Variants in EPM2A observed in about 807,000 individuals in gnomAD.
The protein encoded by EPM2A is laforin.
Under a neutral mutation model 26.5 loss-of-function variants are expected in EPM2A, and 21 were observed. The observed-to-expected ratio is 0.79, with a 90% CI of 0.56 to 1.14. The LOEUF (loss-of-function observed/expected upper bound fraction) is 1.14, where lower values mean the gene tolerates loss of function less well. Ranked by LOEUF, EPM2A falls within the 50% of genes most tolerant of loss-of-function variation. EPM2A has a pLI of 0.00. For synonymous variants in EPM2A, 217 were observed against 177.6 expected, an observed-to-expected ratio of 1.22 and a Z score of -1.76; for missense variants, 458 against 440.8, an observed-to-expected ratio of 1.04 and a Z score of -0.35.
Position 145,417,785 on chromosome 6 carries a change from G to A in EPM2A, c.556-33688C>T, listed in dbSNP as rs917327097. On this transcript the variant is annotated intron_variant, in intron 4 of 4. Transcript: ENST00000638717. ...TGCCCCCAGACTCCACAGCTGAATCGTGAATGCAGAAAGTCCTCCCCATGG... is the reference window on the plus strand; with the variant it reads ...TGCCCCCAGACTCCACAGCTGAATCATGAATGCAGAAAGTCCTCCCCATGG... Among the ~76,000 whole-genome samples the A allele has an allele frequency of 2.6e-5, 4 of 151,664 alleles. No individual in the cohort carries two copies. In the South Asian group the frequency reaches 8.4e-4, roughly 32 times the overall value.
intron 1 of EPM2A, 193 bp downstream of exon 1, chr6:145,735,005 C>T: frequency 5.5e-6 from 2 of 364,606 alleles, no homozygotes; most frequent in Non-Finnish European, 9.7e-6. Flanking sequence ...GCCGGAGGCG[C>T]GGCTGGCGGC....
intron 2 of EPM2A, among the ~76,000 whole-genome samples, chr6:145,597,576 G>GT (rs1330783805): frequency 1.3e-5 from 2 of 149,434 alleles, no homozygotes; most frequent in African/African-American, 4.9e-5. Flanking sequence ...TGGGCTTCTT[G>GT]TTTTTTTAAC....
chr6:145,603,168 G>A (rs1028405070), intron 2 of EPM2A, among the ~76,000 whole-genome samples: 3 of 151,970 alleles, frequency 2.0e-5, no homozygotes, highest in African/African-American at 7.3e-5. Flanking sequence ...TGCTGAGGTC[G>A]CCCAGTGGTG....
At chr6:145,687,861 A>G (rs1256940312) in intron 1 of EPM2A, among the ~76,000 whole-genome samples, 1 of 152,102 alleles carries the variant, frequency 6.6e-6, no homozygotes, top group Non-Finnish European at 1.5e-5. Context: ...CGACGACTAC[A>G]AGGTGCTGCA....
intron 1 of EPM2A, among the ~76,000 whole-genome samples, chr6:145,726,654 C>T (rs1411275746): frequency 1.3e-5 from 2 of 152,084 alleles, no homozygotes; most frequent in Non-Finnish European, 2.9e-5. Context: ...AACCCATAAT[C>T]CAAGTCTAAT....
At chr6:145,712,147 C>G (rs1380184570) in intron 1 of EPM2A, among the ~76,000 whole-genome samples, 1 of 152,080 alleles carries the variant, frequency 6.6e-6, no homozygotes, top group Non-Finnish European at 1.5e-5. Context: ...ATGAAATCAG[C>G]ATTTTATGAT....
intron 4 of EPM2A, among the ~76,000 whole-genome samples, chr6:145,442,303 G>A (rs567349712): frequency 7.9e-5 from 12 of 152,076 alleles, no homozygotes; most frequent in South Asian, 6.2e-4. Context: ...CCCCACTCCC[G>A]GTACCAATTT....
At chr6:145,601,707 T>C (rs1781418796) in intron 2 of EPM2A, among the ~76,000 whole-genome samples, 1 of 152,206 alleles carries the variant, frequency 6.6e-6, no homozygotes, top group Non-Finnish European at 1.5e-5. Context: ...TATCCTTCTG[T>C]GTGGCTAATA....
At chr6:145,564,720 T>G (rs1194309804) in intron 2 of EPM2A, among the ~76,000 whole-genome samples, 2 of 136,136 alleles carry the variant, frequency 1.5e-5, no homozygotes, top group East Asian at 4.7e-4. Flanking sequence ...TTAATTTAAC[T>G]CACATGCAGA....
chr6:145,678,336 A>G (rs148389964), intron 2 of EPM2A, among the ~76,000 whole-genome samples: 108 of 152,354 alleles, frequency 7.1e-4, no homozygotes, highest in Non-Finnish European at 1.3e-3. Flanking sequence ...GGACACAGGC[A>G]TGGGCAAGGA....
intron 2 of EPM2A, among the ~76,000 whole-genome samples, chr6:145,571,232 G>A (rs542391022): frequency 6.6e-6 from 1 of 152,258 alleles, no homozygotes; most frequent in Non-Finnish European, 1.5e-5. Flanking sequence ...CGGCCTCCTG[G>A]AGAACTTAGC....
At chr6:145,680,455 T>C (rs1443269147) in intron 2 of EPM2A, among the ~76,000 whole-genome samples, 2 of 151,954 alleles carry the variant, frequency 1.3e-5, no homozygotes, top group Non-Finnish European at 2.9e-5. Context: ...GTTAGTTACA[T>C]ATGTATACAT....
intron 2 of EPM2A, among the ~76,000 whole-genome samples, chr6:145,558,509 T>C (rs766615649): frequency 6.6e-6 from 1 of 151,958 alleles, no homozygotes; most frequent in Non-Finnish European, 1.5e-5. Flanking sequence ...CTCCATACTG[T>C]TTTACATAAT....
At chr6:145,387,176 A>C (rs1778273919) in intron 4 of EPM2A, among the ~76,000 whole-genome samples, 1 of 152,186 alleles carries the variant, frequency 6.6e-6, no homozygotes, top group Non-Finnish European at 1.5e-5. Flanking sequence ...AAAGTTTTTC[A>C]ACAGAGATAG....
rs536785806 is a variant in EPM2A at position 145,403,833 on chromosome 6, C to A, written c.556-19736G>T. Among the ~76,000 whole-genome samples the A allele has an allele frequency of 4.6e-5, 7 of 152,130 alleles. No homozygotes were observed. In the South Asian group the frequency reaches 1.4e-3, roughly 31 times the overall value. On this transcript the variant is annotated intron_variant, in intron 4 of 4. Transcript: ENST00000638717. ...GCTCAATTTTTAGTTTTTTGAGGAA[C>A]CTCCAAACTATATTCCCTAGTGGTT...
intron 2 of EPM2A, among the ~76,000 whole-genome samples, chr6:145,651,288 C>T (rs1032730175): frequency 6.6e-6 from 1 of 152,306 alleles, no homozygotes; most frequent in Non-Finnish European, 1.5e-5. Context: ...AGGAATTCTA[C>T]ATCAGCTTTT....
intron 2 of EPM2A, among the ~76,000 whole-genome samples, chr6:145,560,251 C>T (rs1160743658): frequency 1.3e-5 from 2 of 152,098 alleles, no homozygotes; most frequent in East Asian, 1.9e-4. Flanking sequence ...TGAATCTTTT[C>T]GATGCAATCC....
intron 2 of EPM2A, among the ~76,000 whole-genome samples, chr6:145,566,019 A>G (rs1780880123): frequency 2.6e-5 from 4 of 152,208 alleles, no homozygotes; most frequent in Admixed American, 2.6e-4. Flanking sequence ...AGGAACAAAA[A>G]TGAATGAATG....
intron 4 of EPM2A, among the ~76,000 whole-genome samples, chr6:145,474,268 T>C (rs1410241207): frequency 6.6e-6 from 1 of 151,546 alleles, no homozygotes; most frequent in African/African-American, 2.4e-5. Flanking sequence ...TTGAGACGAG[T>C]CTAACCAAAC....
Sources: gnomAD v4.1 joint callset for allele counts (sites outside exome capture counted in the v4.1 genomes callset) on GRCh38, gnomAD v4.1.1 for gene constraint, MANE v1.5 for transcripts, NCBI Gene and HGNC (gene_info 2026-07-23, HGNC 2026-07-21) for gene names.